CNTNAP2: variants seen among roughly 807,000 people sequenced by gnomAD.
CNTNAP2 encodes contactin-associated protein-like 2.
In CNTNAP2, 98 loss-of-function variants were observed where a neutral mutation model predicts 155.2. The ratio of observed to expected loss-of-function variants is 0.63; its 90% confidence interval spans 0.54 to 0.75. The LOEUF is 0.75. Among genes scored for constraint, CNTNAP2 ranks in the 30% least tolerant of loss-of-function variants. The pLI, the probability that CNTNAP2 is intolerant of heterozygous loss-of-function variation, is 0.00. For synonymous variants in CNTNAP2, 651 were observed against 631.2 expected (o/e 1.03, Z -0.47); for missense variants, 1,727 against 1,688.1 (o/e 1.02, Z -0.40).
intron 13 of CNTNAP2, among the ~76,000 whole-genome samples, chr7:147,817,729 C>T (rs747371167): frequency 3.3e-5 from 5 of 151,886 alleles, no homozygotes; most frequent in Non-Finnish European, 5.9e-5. Flanking sequence ...TGGTGAAACC[C>T]TGTCTCCACT....
chr7:147,712,788 A>G (rs1343083734), intron 13 of CNTNAP2, among the ~76,000 whole-genome samples: 11 of 152,200 alleles, frequency 7.2e-5, no homozygotes, highest in Admixed American at 7.2e-4. Context: ...AGATATACCT[A>G]ATGTAAATGA....
chr7:148,401,577 A>G (rs1241566429), intron 22 of CNTNAP2, among the ~76,000 whole-genome samples: 2 of 151,904 alleles, frequency 1.3e-5, no homozygotes, highest in Admixed American at 6.6e-5. Flanking sequence ...CTGAGCATAT[A>G]TTAATAATGA....
intron 16 of CNTNAP2, among the ~76,000 whole-genome samples, chr7:148,131,131 T>C (rs924395129): frequency 1.4e-5 from 2 of 145,086 alleles, no homozygotes; most frequent in Non-Finnish European, 3.0e-5. Context: ...AGTCTCTCTC[T>C]GTTGCCCAGG....
chr7:147,210,935 G>C (rs1267498673), intron 8 of CNTNAP2, among the ~76,000 whole-genome samples: 1 of 151,530 alleles, frequency 6.6e-6, no homozygotes, highest in South Asian at 2.1e-4. Flanking sequence ...TGATCTGAGA[G>C]AGTATGCTTC....
At chr7:146,519,255 G>C (rs1443285315) in intron 1 of CNTNAP2, among the ~76,000 whole-genome samples, 1 of 151,752 alleles carries the variant, frequency 6.6e-6, no homozygotes, top group Non-Finnish European at 1.5e-5. Flanking sequence ...TCTCTCAAGA[G>C]AACAAGATCA....
intron 12 of CNTNAP2, among the ~76,000 whole-genome samples, chr7:147,583,275 C>T (rs904805604): frequency 6.6e-6 from 1 of 151,910 alleles, no homozygotes; most frequent in African/African-American, 2.4e-5. Flanking sequence ...GGCTTAGAAT[C>T]AGCATGAAAG....
intron 22 of CNTNAP2, among the ~76,000 whole-genome samples, chr7:148,399,623 T>G (rs1799541411): frequency 6.6e-6 from 1 of 152,204 alleles, no homozygotes; most frequent in Admixed American, 6.5e-5. Context: ...TTGGCTGTTT[T>G]TTCCTAAACT....
At chr7:147,206,818 A>G (rs1244838830) in intron 8 of CNTNAP2, among the ~76,000 whole-genome samples, 2 of 152,120 alleles carry the variant, frequency 1.3e-5, no homozygotes, top group Non-Finnish European at 2.9e-5. Context: ...ATTTATGACT[A>G]TTTATTTTGC....
At chr7:146,680,698 T>G (rs771600121) in intron 1 of CNTNAP2, among the ~76,000 whole-genome samples, 1 of 152,224 alleles carries the variant, frequency 6.6e-6, no homozygotes, top group Non-Finnish European at 1.5e-5. Flanking sequence ...AATAAAAGCT[T>G]AATGAAAACA....
chr7:148,007,813 T>A (rs537590502), intron 15 of CNTNAP2, among the ~76,000 whole-genome samples: 28 of 152,306 alleles, frequency 1.8e-4, no homozygotes, highest in African/African-American at 6.5e-4. Context: ...ATTAAATATA[T>A]GACACAATAA....
At chr7:146,448,604 T>C (rs1796435464) in intron 1 of CNTNAP2, among the ~76,000 whole-genome samples, 1 of 152,176 alleles carries the variant, frequency 6.6e-6, no homozygotes, top group South Asian at 2.1e-4. Context: ...TAAAACTAAT[T>C]AAGATGCATG....
chr7:146,153,432 G>T (rs1394219942), intron 1 of CNTNAP2, among the ~76,000 whole-genome samples: 7 of 152,214 alleles, frequency 4.6e-5, no homozygotes, highest in African/African-American at 1.7e-4. Flanking sequence ...CTGTATTGTT[G>T]TTTATTTGGA....
Position 146,664,542 on chromosome 7 carries a change from A to G in CNTNAP2, c.98-109729A>G, listed in dbSNP as rs184783561. On this transcript the variant is annotated intron_variant, in intron 1 of 23. Coordinates refer to ENST00000361727, the MANE Select transcript of CNTNAP2 (RefSeq NM_014141.6). ...TGGTATGATACACTAAATGTTTTAT[A>G]TATTGCTGGATGTGATATGTAAGGA... Among the ~76,000 whole-genome samples, 3 of 152,290 alleles carry G rather than the reference A, an allele frequency of 2.0e-5. No homozygotes were observed. The East Asian group carries it at 5.8e-4, about 29-fold the overall frequency.
At chr7:148,305,457 T>C (rs1035866500) in intron 21 of CNTNAP2, among the ~76,000 whole-genome samples, 1 of 152,148 alleles carries the variant, frequency 6.6e-6, no homozygotes, top group Admixed American at 6.5e-5. Flanking sequence ...TCTGGCTGGA[T>C]AGGCCTTGGG....
chr7:148,391,424 T>A (rs1249716112), intron 22 of CNTNAP2, among the ~76,000 whole-genome samples: 2 of 152,200 alleles, frequency 1.3e-5, no homozygotes, highest in Non-Finnish European at 2.9e-5. Context: ...ACAAAAGACT[T>A]ACACATTATG....
chr7:146,612,230 A>G (rs1335258065), intron 1 of CNTNAP2, among the ~76,000 whole-genome samples: 1 of 83,168 alleles, frequency 1.2e-5, no homozygotes, highest in Admixed American at 9.0e-5. Flanking sequence ...TATGTGATTT[A>G]TATTAGTAAT....
chr7:146,462,042 G>A (rs1029330055), intron 1 of CNTNAP2, among the ~76,000 whole-genome samples: 9 of 151,884 alleles, frequency 5.9e-5, no homozygotes, highest in Non-Finnish European at 5.9e-5. Context: ...GTTTTTCATT[G>A]AAGAAACTTC....
At chr7:146,923,711 C>T (rs1395946090) in intron 3 of CNTNAP2, among the ~76,000 whole-genome samples, 1 of 152,074 alleles carries the variant, frequency 6.6e-6, no homozygotes, top group Non-Finnish European at 1.5e-5. Context: ...TTATCGCATT[C>T]GTCATTATAA....
At chr7:148,017,771 T>C (rs925424248) in intron 15 of CNTNAP2, among the ~76,000 whole-genome samples, 8 of 152,220 alleles carry the variant, frequency 5.3e-5, no homozygotes, top group Non-Finnish European at 8.8e-5. Flanking sequence ...TAGTGGTATA[T>C]TACATTCCAG....
Sources: allele counts gnomAD v4.1 joint callset (sites outside exome capture counted in the v4.1 genomes callset), GRCh38; gene constraint gnomAD v4.1.1; transcripts MANE v1.5; gene names NCBI Gene and HGNC (gene_info 2026-07-23, HGNC 2026-07-21).